Variants in GALNTL6 observed in about 807,000 individuals in gnomAD.
GALNTL6 encodes the protein polypeptide N-acetylgalactosaminyltransferase-like 6.
In GALNTL6, 46 loss-of-function variants were observed where a neutral mutation model predicts 73.7. That is an observed-to-expected ratio of 0.62 (90% CI 0.49 to 0.80). GALNTL6 has a LOEUF of 0.80. Among genes scored for constraint, GALNTL6 ranks in the 30% least tolerant of loss-of-function variants. The probability of loss-of-function intolerance (pLI) is 0.00; values close to 1 mark genes in which losing one functional copy is unlikely to be tolerated. For synonymous variants in GALNTL6, 259 were observed against 263.7 expected, an observed-to-expected ratio of 0.98 and a Z score of 0.17; for missense variants, 604 against 755.0, an observed-to-expected ratio of 0.80 and a Z score of 2.34.
intron 5 of GALNTL6, among the ~76,000 whole-genome samples, chr4:172,486,001 T>A (rs563209087): frequency 6.6e-6 from 1 of 152,264 alleles, no homozygotes; most frequent in South Asian, 2.1e-4. Flanking sequence ...TTGACTAAAG[T>A]TTATTTCCAT....
chr4:172,087,842 C>T (rs1332967025), intron 2 of GALNTL6, among the ~76,000 whole-genome samples: 1 of 151,336 alleles, frequency 6.6e-6, no homozygotes, highest in Non-Finnish European at 1.5e-5. Flanking sequence ...TATTCTGAAC[C>T]ATGCAAATAT....
intron 2 of GALNTL6, among the ~76,000 whole-genome samples, chr4:172,079,315 A>G (rs1435089879): frequency 6.6e-6 from 1 of 152,060 alleles, no homozygotes; most frequent in East Asian, 1.9e-4. Context: ...TATTAGTTTT[A>G]CAGTATTTCC....
At chr4:172,461,567 T>C (rs72990273) in intron 5 of GALNTL6, among the ~76,000 whole-genome samples, 3,791 of 152,252 alleles carry the variant, frequency 0.025, 160 homozygotes, top group African/African-American at 0.083. Context: ...GGAACAGTGT[T>C]TCACTCTGGC....
chr4:172,777,163 T>TATCAATAAA (rs1348076065), intron 5 of GALNTL6, among the ~76,000 whole-genome samples: 13 of 152,210 alleles, frequency 8.5e-5, no homozygotes, highest in Non-Finnish European at 7.3e-5. Flanking sequence ...AACTATAATT[T>TATCAATAAA]ATCAATAAAT....
intron 2 of GALNTL6, among the ~76,000 whole-genome samples, chr4:171,903,556 G>C (rs911789718): frequency 2.7e-5 from 4 of 148,428 alleles, no homozygotes; most frequent in African/African-American, 5.1e-5. Flanking sequence ...AGGCGGCAGC[G>C]AGGCTGGGGG....
At chr4:172,202,643 T>G (rs1735990981) in intron 2 of GALNTL6, among the ~76,000 whole-genome samples, 8 of 152,148 alleles carry the variant, frequency 5.3e-5, no homozygotes, top group Admixed American at 5.2e-4. Context: ...GAAATCAGTG[T>G]GGTCTGTGAT....
intron 5 of GALNTL6, among the ~76,000 whole-genome samples, chr4:172,544,683 A>T (rs1735686703): frequency 6.6e-6 from 1 of 152,160 alleles, no homozygotes; most frequent in Admixed American, 6.5e-5. Context: ...AAGTTCTGGT[A>T]TTTCAAATGA....
intron 4 of GALNTL6, among the ~76,000 whole-genome samples, chr4:172,325,444 G>C (rs1740908692): frequency 6.6e-6 from 1 of 151,950 alleles, no homozygotes; most frequent in African/African-American, 2.4e-5. Flanking sequence ...TGGCCCCGCT[G>C]ATTGAAAACA....
At position 172,809,593 on chromosome 4, in the gene GALNTL6, T is replaced by G. The variant is rs1349895892; in HGVS notation, c.739+47T>G. The G allele has an allele frequency of 2.1e-5, 31 of 1,476,918 alleles. No individual in the cohort carries two copies. Among genetic ancestry groups the G allele is most frequent in the Non-Finnish European group, 2.8e-5 (31 of 1,088,556 alleles). 91.5% of individuals were successfully genotyped at this position (1,476,918 alleles called of 1,614,324 possible). A position where few individuals can be genotyped will look rare whatever the true frequency, so the allele number is the denominator to read the frequency against. On this transcript the variant is annotated intron_variant, in intron 6 of 12. Coordinates refer to ENST00000506823, the MANE Select transcript of GALNTL6 (RefSeq NM_001034845.3). This position sits in a 1 kb window ranked among gnomAD's most constrained non-coding sequence, Gnocchi z 4.4. ...CCATCCTGGGATGCCTCAGGGGAACTGAGCGGTTTGCTTCTATTTAGTTTG... is the reference window on the plus strand; with the variant it reads ...CCATCCTGGGATGCCTCAGGGGAACGGAGCGGTTTGCTTCTATTTAGTTTG...
chr4:172,374,662 G>A (rs898451251), intron 5 of GALNTL6, among the ~76,000 whole-genome samples: 2 of 152,202 alleles, frequency 1.3e-5, no homozygotes, highest in Admixed American at 1.3e-4. Flanking sequence ...CGAGGTCTTA[G>A]TGGGGATCCA....
At chr4:172,833,591 G>C (rs1356761573) in intron 7 of GALNTL6, among the ~76,000 whole-genome samples, 3 of 152,238 alleles carry the variant, frequency 2.0e-5, no homozygotes, top group African/African-American at 7.2e-5. Context: ...TTAGGAACAA[G>C]GGCTGATTTG....
At chr4:172,545,269 A>T (rs337998) in intron 5 of GALNTL6, among the ~76,000 whole-genome samples, 1 of 152,120 alleles carries the variant, frequency 6.6e-6, no homozygotes, top group Non-Finnish European at 1.5e-5. Flanking sequence ...CCGAAGCTAG[A>T]AAATTGCCTT....
intron 2 of GALNTL6, among the ~76,000 whole-genome samples, chr4:172,098,498 T>C (rs1732421729): frequency 1.3e-5 from 2 of 152,064 alleles, no homozygotes; most frequent in Admixed American, 1.3e-4. Context: ...ATTTGGGAAT[T>C]GGAGTGTAAG....
At chr4:172,878,694 A>G (rs1116651) in intron 7 of GALNTL6, among the ~76,000 whole-genome samples, 76,007 of 151,484 alleles carry the variant, frequency 0.5, 22,380 homozygotes, top group East Asian at 0.9. Context: ...CGGTTAATCA[A>G]AAAGAAGACA....
chr4:172,351,188 T>TGTCC (rs1360906393), intron 5 of GALNTL6, among the ~76,000 whole-genome samples: 5 of 147,460 alleles, frequency 3.4e-5, no homozygotes, highest in African/African-American at 1.3e-4. Flanking sequence ...TCTGTCTATC[T>TGTCC]ATCTATCTAT....
chr4:172,272,684 G>A (rs1375512286), intron 3 of GALNTL6, among the ~76,000 whole-genome samples: 15 of 152,146 alleles, frequency 9.9e-5, no homozygotes, highest in Admixed American at 9.8e-4. Flanking sequence ...AAATAAATGT[G>A]TAGAAAATTA....
At chr4:172,038,854 C>A (rs554107429) in intron 2 of GALNTL6, among the ~76,000 whole-genome samples, 1 of 152,292 alleles carries the variant, frequency 6.6e-6, no homozygotes, top group South Asian at 2.1e-4. Flanking sequence ...TCAAATAGAA[C>A]ATAAAATGGA....
At chr4:172,906,291 T>A (rs1035972063) in intron 8 of GALNTL6, among the ~76,000 whole-genome samples, 4 of 151,734 alleles carry the variant, frequency 2.6e-5, no homozygotes, top group Admixed American at 2.6e-4. Context: ...AATTAAAATT[T>A]CAGGAAAATT....
chr4:172,054,597 G>A (rs1730968899), intron 2 of GALNTL6, among the ~76,000 whole-genome samples: 1 of 151,962 alleles, frequency 6.6e-6, no homozygotes, highest in African/African-American at 2.4e-5. Flanking sequence ...CTTTTATAAG[G>A]GTATTAATCT....
Sources: gnomAD v4.1 joint callset for allele counts (sites outside exome capture counted in the v4.1 genomes callset) on GRCh38, gnomAD v4.1.1 for gene constraint, Gnocchi (gnomAD v3.1) non-coding constraint, MANE v1.5 for transcripts, NCBI Gene and HGNC (gene_info 2026-07-23, HGNC 2026-07-21) for gene names.